The following BICD1 variants were observed in gnomAD, a reference collection of about 807,000 sequenced individuals.
BICD1 encodes BICD cargo adaptor 1, also known as protein bicaudal D homolog 1.
In BICD1, 35 loss-of-function variants were observed where a neutral mutation model predicts 92.5. That is an observed-to-expected ratio of 0.38 (90% confidence interval 0.29 to 0.50). BICD1 has a LOEUF of 0.50. BICD1 is among the 20% of genes least tolerant of loss of function. The probability of loss-of-function intolerance (pLI) is 0.93; values close to 1 mark genes in which losing one functional copy is unlikely to be tolerated. For synonymous variants in BICD1, 429 were observed against 465.1 expected, an observed-to-expected ratio of 0.92 and a Z score of 1.00; for missense variants, 950 against 1,189.8, an observed-to-expected ratio of 0.80 and a Z score of 2.97.
At chr12:32,196,541 T>A (rs1944732417) in intron 1 of BICD1, among the ~76,000 whole-genome samples, 1 of 152,020 alleles carries the variant, frequency 6.6e-6, no homozygotes, top group African/African-American at 2.4e-5. Context: ...GCAAGACAAA[T>A]ATTGTTTTGT....
At chr12:32,370,432 C>T (rs1458754748) in intron 9 of BICD1, among the ~76,000 whole-genome samples, 2 of 150,580 alleles carry the variant, frequency 1.3e-5, no homozygotes, top group Non-Finnish European at 2.9e-5. Context: ...TATTCAAACT[C>T]GTCTCAGTGG....
chr12:32,107,647 T>A (rs1294382426), intron 1 of BICD1, 103 bp downstream of exon 1: 36 of 1,260,498 alleles, frequency 2.9e-5, no homozygotes, highest in Non-Finnish European at 4.0e-5. Flanking sequence ...TTGAAAGGAC[T>A]GTTTTTTCTT....
intron 1 of BICD1, among the ~76,000 whole-genome samples, chr12:32,155,640 T>C (rs928250668): frequency 6.6e-6 from 1 of 152,216 alleles, no homozygotes; most frequent in Admixed American, 6.5e-5. Context: ...GCACCTTTCC[T>C]TGGTTTTTAC....
intron 2 of BICD1, among the ~76,000 whole-genome samples, chr12:32,251,991 T>TATATTTATAATAC (rs1390176626): frequency 7.6e-6 from 1 of 131,414 alleles, no homozygotes; most frequent in Non-Finnish European, 1.6e-5. Context: ...ATATATATAA[T>TATATTTATAATAC]ATATTTATAA....
intron 2 of BICD1, among the ~76,000 whole-genome samples, chr12:32,239,670 A>G (rs551721294): frequency 6.6e-6 from 1 of 151,512 alleles, no homozygotes; most frequent in Admixed American, 6.6e-5. Context: ...AAGAGCTGGC[A>G]TGATCTCAGC....
intron 2 of BICD1, among the ~76,000 whole-genome samples, chr12:32,268,572 G>T (rs545003829): frequency 4.9e-4 from 75 of 152,276 alleles, no homozygotes; most frequent in African/African-American, 1.6e-3. Context: ...AAGGCAGGTG[G>T]ATCACTTGAG....
At chr12:32,358,250 C>A (rs112946115) in intron 8 of BICD1, among the ~76,000 whole-genome samples, 10,759 of 151,720 alleles carry the variant, frequency 0.071, 1,256 homozygotes, top group African/African-American at 0.24. Flanking sequence ...ACAGGCACGC[C>A]CTACCATGCC....
intron 2 of BICD1, among the ~76,000 whole-genome samples, chr12:32,224,908 G>A (rs1182117597): frequency 6.6e-6 from 1 of 152,112 alleles, no homozygotes; most frequent in Non-Finnish European, 1.5e-5. Flanking sequence ...CACTATGTTG[G>A]CCAGGCTGAT....
intron 1 of BICD1, among the ~76,000 whole-genome samples, chr12:32,175,311 C>T (rs1944058882): frequency 6.6e-6 from 1 of 152,062 alleles, no homozygotes; most frequent in Admixed American, 6.6e-5. Context: ...CTAACACATA[C>T]TAAGCTTTTT....
intron 1 of BICD1, among the ~76,000 whole-genome samples, chr12:32,207,690 G>C (rs1945099883): frequency 6.6e-6 from 1 of 152,060 alleles, no homozygotes; most frequent in African/African-American, 2.4e-5. Flanking sequence ...AAAAACTGAA[G>C]AAGTTAAGAA....
chr12:32,136,472 C>T (rs1248662215), intron 1 of BICD1, among the ~76,000 whole-genome samples: 1 of 152,212 alleles, frequency 6.6e-6, no homozygotes, highest in Non-Finnish European at 1.5e-5. Flanking sequence ...AGGGCTGGGG[C>T]CCTTGGGCTA....
chr12:32,198,324 ATCT>A (rs1944788495), intron 1 of BICD1, among the ~76,000 whole-genome samples: 1 of 57,838 alleles, frequency 1.7e-5, no homozygotes. Flanking sequence ...AATAATATGC[ATCT>A]ATCTATATAT....
intron 8 of BICD1, among the ~76,000 whole-genome samples, chr12:32,346,536 GTATATATA>G (rs59893108): frequency 0.012 from 289 of 24,030 alleles, 20 homozygotes; most frequent in East Asian, 0.066. Context: ...ATATATACGT[GTATATATA>G]TATATATATA....
At chr12:32,139,534 G>A (rs766024410) in intron 1 of BICD1, among the ~76,000 whole-genome samples, 5 of 152,084 alleles carry the variant, frequency 3.3e-5, no homozygotes, top group Non-Finnish European at 4.4e-5. Context: ...TTACTTTTAC[G>A]CTAGCATACG....
At chr12:32,170,156 T>G (rs1592409832) in intron 1 of BICD1, among the ~76,000 whole-genome samples, 1 of 152,234 alleles carries the variant, frequency 6.6e-6, no homozygotes, top group African/African-American at 2.4e-5. Context: ...AACTTTCTCT[T>G]AGGCATCCTG....
At chr12:32,187,640 C>A (rs1944455406) in intron 1 of BICD1, among the ~76,000 whole-genome samples, 1 of 152,000 alleles carries the variant, frequency 6.6e-6, no homozygotes, top group South Asian at 2.1e-4. Context: ...CCCCCGCACT[C>A]CAGCCTGGGC....
At chr12:32,251,935 G>A (rs1024565671) in intron 2 of BICD1, among the ~76,000 whole-genome samples, 18 of 135,634 alleles carry the variant, frequency 1.3e-4, no homozygotes, top group African/African-American at 4.2e-4. Context: ...GTTTTGGGGC[G>A]CTCGGGAGTT....
chr12:32,177,749 T>C (rs904388601), intron 1 of BICD1, among the ~76,000 whole-genome samples: 8 of 136,496 alleles, frequency 5.9e-5, no homozygotes, highest in Non-Finnish European at 9.4e-5. Flanking sequence ...ATATAAAATA[T>C]ATATAAATAT....
At chr12:32,120,135 G>C (rs1942090091) in intron 1 of BICD1, among the ~76,000 whole-genome samples, 1 of 152,008 alleles carries the variant, frequency 6.6e-6, no homozygotes, top group African/African-American at 2.4e-5. Context: ...TCTGTTTGCA[G>C]TTTTTATGCC....
Sources: gnomAD v4.1 joint callset for allele counts (sites outside exome capture counted in the v4.1 genomes callset) on GRCh38, gnomAD v4.1.1 for gene constraint, MANE v1.5 for transcripts, NCBI Gene and HGNC (gene_info 2026-07-23, HGNC 2026-07-21) for gene names.